Variants in STK32B observed in about 807,000 individuals in gnomAD.
STK32B encodes serine/threonine-protein kinase 32B.
In STK32B, 43 loss-of-function variants were observed where a neutral mutation model predicts 52.6. The observed-to-expected ratio is 0.82, with a 90% confidence interval of 0.64 to 1.05. The LOEUF (loss-of-function observed/expected upper bound fraction) is 1.05. Ranked by LOEUF, STK32B falls within the 50% of genes least tolerant of loss-of-function variation. The probability of loss-of-function intolerance (pLI) is 0.00; values close to 1 mark genes in which losing one functional copy is unlikely to be tolerated. For missense variants in STK32B, 621 were observed against 534.6 expected (o/e 1.16, Z -1.59); for synonymous variants, 238 against 204.3 (o/e 1.17, Z -1.41).
intron 3 of STK32B, among the ~76,000 whole-genome samples, chr4:5,213,536 A>G (rs1329721499): frequency 6.6e-6 from 1 of 152,240 alleles, no homozygotes; most frequent in Non-Finnish European, 1.5e-5. Context: ...AGATCAATCT[A>G]TCACGTTTAT....
At position 5,400,096 on chromosome 4, in the gene STK32B, T is replaced by C. The variant is rs926108311; in HGVS notation, c.472+1852T>C. Among the ~76,000 whole-genome samples, 7 of 152,266 alleles carry C rather than the reference T, an allele frequency of 4.6e-5. No individual in the cohort carries two copies. In the East Asian group the frequency reaches 7.7e-4, roughly 17 times the overall value. On this transcript the variant is annotated intron_variant, in intron 5 of 11. Transcript: ENST00000282908. The surrounding 1 kb of genome is among the most constrained non-coding windows in gnomAD (Gnocchi z 6.1). The stretch of plus-strand genomic sequence containing the variant: ...ACATCAATAGCAATAAGCTAGCCAT[T>C]GCACTGATGAGGAAAAGTGACACAG...
intron 3 of STK32B, among the ~76,000 whole-genome samples, chr4:5,241,221 C>G (rs1313752431): frequency 6.6e-6 from 1 of 152,024 alleles, no homozygotes; most frequent in Admixed American, 6.6e-5. Flanking sequence ...ATTTTCAAGT[C>G]ATGGATTTAT....
intron 4 of STK32B, among the ~76,000 whole-genome samples, chr4:5,361,527 A>G (rs1002471551): frequency 3.9e-5 from 6 of 152,186 alleles, no homozygotes; most frequent in Admixed American, 3.9e-4. Flanking sequence ...GTGTGCCATC[A>G]TGCCCAGCTA....
chr4:5,117,037 C>G (rs1169547624), intron 1 of STK32B, among the ~76,000 whole-genome samples: 1 of 152,086 alleles, frequency 6.6e-6, no homozygotes, highest in Non-Finnish European at 1.5e-5. Flanking sequence ...TTTTAACAGT[C>G]TTTTTAGAGT....
intron 3 of STK32B, among the ~76,000 whole-genome samples, chr4:5,295,441 C>G (rs1401658177): frequency 6.6e-6 from 1 of 151,542 alleles, no homozygotes; most frequent in Admixed American, 6.5e-5. Flanking sequence ...ATTACTGCCT[C>G]AATTTCAGAA....
intron 3 of STK32B, among the ~76,000 whole-genome samples, chr4:5,176,728 G>A (rs1469496671): frequency 6.6e-6 from 1 of 152,136 alleles, no homozygotes; most frequent in Non-Finnish European, 1.5e-5. Flanking sequence ...ACAAGCATGA[G>A]TCACTGTGCC....
chr4:5,380,682 C>G lies in STK32B; in HGVS notation c.435-17525C>G, dbSNP rs958244036. Among the ~76,000 whole-genome samples, 1 of 152,284 alleles carries G rather than the reference C, an allele frequency of 6.6e-6. No homozygotes were observed. The highest frequency in any genetic ancestry group is 1.5e-5 in the Non-Finnish European group (1 of 68,028). On this transcript the variant is annotated intron_variant, in intron 4 of 11. Coordinates refer to ENST00000282908, the MANE Select transcript of STK32B (RefSeq NM_018401.3). This position sits in a 1 kb window ranked among gnomAD's most constrained non-coding sequence, Gnocchi z 4.3. ...GAGGGTCCGTGTTTGATTTAATGCC[C>G]GGTACTTGCCATCGTGAAATCCTTA... is the stretch of plus-strand genomic sequence containing the variant.
chr4:5,382,529 A>G (rs10937641), intron 4 of STK32B, among the ~76,000 whole-genome samples: 41,838 of 151,546 alleles, frequency 0.28, 6,522 homozygotes, highest in African/African-American at 0.44. Context: ...GGAGATGTGA[A>G]AAGGTCCCCT....
chr4:5,177,576 T>G (rs11930144), intron 3 of STK32B, among the ~76,000 whole-genome samples: 2 of 151,900 alleles, frequency 1.3e-5, no homozygotes. Context: ...CGGCATTAAC[T>G]CAAAAGTCCA....
At chr4:5,362,073 T>A (rs1267868001) in intron 4 of STK32B, among the ~76,000 whole-genome samples, 1 of 152,210 alleles carries the variant, frequency 6.6e-6, no homozygotes, top group Non-Finnish European at 1.5e-5. Context: ...GTAAACAAGC[T>A]TACTTTAATG....
chr4:5,444,622 C>T (rs1487591256), intron 6 of STK32B, among the ~76,000 whole-genome samples: 1 of 152,210 alleles, frequency 6.6e-6, no homozygotes, highest in African/African-American at 2.4e-5. Context: ...ATCTTGGCTC[C>T]TCCCCCCGCC....
chr4:5,341,556 C>T (rs938905941), intron 4 of STK32B, among the ~76,000 whole-genome samples: 1 of 152,164 alleles, frequency 6.6e-6, no homozygotes, highest in African/African-American at 2.4e-5. Context: ...ATAATGATTT[C>T]GTCGGTAACT....
intron 1 of STK32B, among the ~76,000 whole-genome samples, chr4:5,065,419 A>T (rs1742381539): frequency 6.6e-6 from 1 of 152,190 alleles, no homozygotes; most frequent in African/African-American, 2.4e-5. Context: ...TTGTTGCCAC[A>T]ATAGGCAGCC....
upstream of STK32B, among the ~76,000 whole-genome samples, chr4:5,049,509 A>C (rs960172724): frequency 1.3e-5 from 2 of 152,136 alleles, no homozygotes; most frequent in Non-Finnish European, 2.9e-5. Flanking sequence ...TAGGTTATGG[A>C]AAATTAAAGT....
chr4:5,377,985 C>A (rs1376986296), intron 4 of STK32B, among the ~76,000 whole-genome samples: 3 of 152,064 alleles, frequency 2.0e-5, no homozygotes, highest in African/African-American at 7.3e-5. Context: ...AGACTGGGTG[C>A]CCACCAAGGA....
At position 5,453,356 on chromosome 4, in the gene STK32B, T is replaced by C. The variant is rs1034414265; in HGVS notation, c.667-3451T>C. Among the ~76,000 whole-genome samples, 1 of 152,134 alleles carries C rather than the reference T, an allele frequency of 6.6e-6. No homozygotes were observed. The highest frequency in any genetic ancestry group is 2.4e-5 in the African/African-American group (1 of 41,430). The stretch of plus-strand genomic sequence containing the variant: ...ATAAGAAAACATTTACATTTGTTTC[T>C]GGCTGGTGTTCAAGTTGGGTGCTTG... On this transcript the variant is annotated intron_variant, in intron 7 of 11. Coordinates refer to ENST00000282908, the MANE Select transcript of STK32B (RefSeq NM_018401.3). The surrounding 1 kb of genome is among the most constrained non-coding windows in gnomAD (Gnocchi z 4.0).
At chr4:5,240,118 A>C (rs192881107) in intron 3 of STK32B, among the ~76,000 whole-genome samples, 1 of 141,474 alleles carries the variant, frequency 7.1e-6, no homozygotes, top group Non-Finnish European at 1.5e-5. Context: ...TGGGTTTGAC[A>C]TGTTTGACTT....
chr4:5,265,642 T>C (rs1727010396), intron 3 of STK32B, among the ~76,000 whole-genome samples: 1 of 152,234 alleles, frequency 6.6e-6, no homozygotes, highest in South Asian at 2.1e-4. Flanking sequence ...GTCTCACTTT[T>C]ATTTGTTGCA....
intron 3 of STK32B, among the ~76,000 whole-genome samples, chr4:5,308,415 A>G (rs192175791): frequency 6.6e-6 from 1 of 152,208 alleles, no homozygotes; most frequent in Admixed American, 6.5e-5. Flanking sequence ...TTCCCCAAGT[A>G]TGTGACTTTA....
Sources: gnomAD v4.1 joint callset for allele counts (sites outside exome capture counted in the v4.1 genomes callset) on GRCh38, gnomAD v4.1.1 for gene constraint, Gnocchi (gnomAD v3.1) non-coding constraint, MANE v1.5 for transcripts, NCBI Gene and HGNC (gene_info 2026-07-23, HGNC 2026-07-21) for gene names.